RYR2: variants seen among roughly 807,000 people sequenced by gnomAD.
RYR2 encodes the protein cardiac muscle ryanodine receptor-calcium release channel.
RYR2 carries 227 observed loss-of-function variants against 601.1 expected under a neutral mutation model. That is an observed-to-expected ratio of 0.38 (90% confidence interval 0.34 to 0.42). The LOEUF (loss-of-function observed/expected upper bound fraction) is 0.42, where lower values mean the gene tolerates loss of function less well. Among genes scored for constraint, RYR2 ranks in the 10% least tolerant of loss-of-function variants. The probability of loss-of-function intolerance (pLI) is 1.00; values close to 1 mark genes in which losing one functional copy is unlikely to be tolerated. For missense variants in RYR2, 4,646 were observed against 6,156.5 expected (o/e 0.75, Z 8.21); for synonymous variants, 2,223 against 2,175.1 (o/e 1.02, Z -0.61).
chr1:237,618,500 C>T (rs1425673651), intron 38 of RYR2, among the ~76,000 whole-genome samples: 2 of 152,098 alleles, frequency 1.3e-5, no homozygotes, highest in African/African-American at 2.4e-5. Context: ...TGGTGAGTTC[C>T]CTGGATTTTC....
At chr1:237,082,600 G>A (rs924316836) in intron 1 of RYR2, among the ~76,000 whole-genome samples, 10 of 137,060 alleles carry the variant, frequency 7.3e-5, no homozygotes, top group African/African-American at 2.4e-4. Context: ...TCTTATAGCC[G>A]CCCCTCCTGC....
intron 24 of RYR2, among the ~76,000 whole-genome samples, chr1:237,528,714 C>T (rs1335596868): frequency 6.6e-6 from 1 of 152,154 alleles, no homozygotes; most frequent in Admixed American, 6.5e-5. Flanking sequence ...TTCTATGGCT[C>T]AGGCTTACTT....
At chr1:237,445,680 A>T (rs1182939895) in intron 14 of RYR2, among the ~76,000 whole-genome samples, 158 bp downstream of exon 14, 1 of 152,182 alleles carries the variant, frequency 6.6e-6, no homozygotes, top group Non-Finnish European at 1.5e-5. Flanking sequence ...GAGATGATTT[A>T]ATGTCTTTCT....
intron 24 of RYR2, among the ~76,000 whole-genome samples, chr1:237,527,327 A>G (rs1667694063): frequency 6.6e-6 from 1 of 152,158 alleles, no homozygotes; most frequent in Non-Finnish European, 1.5e-5. Context: ...TTAAATGTTA[A>G]TCTCACCCAA....
chr1:237,726,373 T>C, intron 75 of RYR2, 65 bp downstream of exon 75: 1 of 1,001,544 alleles, frequency 1.0e-6, no homozygotes, highest in Non-Finnish European at 1.5e-6. Flanking sequence ...TGGGATTTTT[T>C]CTTTCTAATA....
chr1:237,690,681 G>A (rs1686863397), intron 63 of RYR2, among the ~76,000 whole-genome samples: 2 of 152,130 alleles, frequency 1.3e-5, no homozygotes, highest in Admixed American at 1.3e-4. Context: ...GGGAAACATG[G>A]CGAGACCCCA....
rs369490145 is a variant in RYR2, at chr1:237,133,696, C to T, written c.48+91127C>T. On this transcript the variant is annotated intron_variant, in intron 1 of 104. Coordinates refer to ENST00000366574, the MANE Select transcript of RYR2 (RefSeq NM_001035.3). ...AGGCATGGTGGCTCACACCCGCTGA[C>T]GCGGGTGGATCATGAGGTCAGAAGT... is the stretch of plus-strand genomic sequence containing the variant. Among the ~76,000 whole-genome samples, 66 of 152,120 alleles carry T rather than the reference C, an allele frequency of 4.3e-4. No homozygotes were observed. In the South Asian group the frequency reaches 0.011, roughly 26 times the overall value.
chr1:237,559,543 G>A lies in RYR2; in HGVS notation c.3215-7024G>A, dbSNP rs151274078. Among the ~76,000 whole-genome samples, 373 of 152,266 alleles carry A rather than the reference G, an allele frequency of 2.4e-3. 2 individuals are homozygous for A. Among genetic ancestry groups the A allele is most frequent in the African/African-American group, 8.4e-3 (350 of 41,542 alleles). On this transcript the variant is annotated intron_variant, in intron 27 of 104. Transcript: ENST00000366574. ...TTACAGGCATGAGACGCTGTGCCCA[G>A]CCTCATACTTTTATTTAGTTCATTA...
chr1:237,328,375 C>T lies in RYR2; in HGVS notation c.169-2503C>T, dbSNP rs377644211. On this transcript the variant is annotated intron_variant, in intron 2 of 104. Transcript: ENST00000366574. ...TTTAAGAGTATGTATTCCTAAATTC[C>T]AGAGTAGAAGAGAGTCCTTTTCCTA... Among the ~76,000 whole-genome samples the T allele has an allele frequency of 9.2e-5, 14 of 152,000 alleles. 1 individual carries two copies. Among genetic ancestry groups the T allele is most frequent in the African/African-American group, 3.4e-4 (14 of 41,438 alleles).
At chr1:237,348,158 T>TTTA (rs752436900) in intron 3 of RYR2, among the ~76,000 whole-genome samples, 2 of 152,070 alleles carry the variant, frequency 1.3e-5, no homozygotes, top group Admixed American at 1.3e-4. Context: ...TGGTGACGTT[T>TTTA]TTATTATTAT....
chr1:237,209,515 A>G (rs80308695), intron 1 of RYR2, among the ~76,000 whole-genome samples: 540 of 24,038 alleles, frequency 0.022, 3 homozygotes, highest in Middle Eastern at 0.036. Flanking sequence ...GTGTGTGTGT[A>G]TTTTTTTTTT....
chr1:237,337,456 C>A (rs571415364), intron 3 of RYR2, among the ~76,000 whole-genome samples: 1 of 152,234 alleles, frequency 6.6e-6, no homozygotes, highest in African/African-American at 2.4e-5. Flanking sequence ...TGAAGAAGAT[C>A]TGTGTATTAT....
intron 25 of RYR2, among the ~76,000 whole-genome samples, chr1:237,543,158 G>A (rs1327702342): frequency 6.6e-6 from 1 of 152,132 alleles, no homozygotes; most frequent in African/African-American, 2.4e-5. Context: ...GCCAAGTATA[G>A]CTTTTTTTTC....
In RYR2 at chr1:237,705,059, A is replaced by G. The variant is rs544961953; in HGVS notation, c.9450-154A>G. Among the ~76,000 whole-genome samples, 7 of 152,342 alleles carry G rather than the reference A, an allele frequency of 4.6e-5. No homozygotes were observed. The South Asian group carries it at 1.2e-3, about 27-fold the overall frequency. On this transcript the variant is annotated intron_variant, in intron 66 of 104. Transcript: ENST00000366574. ...TGGTGAGGATATTGCTATTGAAAGC[A>G]TATGATGTTTAGCAATACAGAAATT... is the stretch of plus-strand genomic sequence containing the variant.
intron 1 of RYR2, among the ~76,000 whole-genome samples, chr1:237,249,912 A>G (rs1175070092): frequency 2.6e-5 from 4 of 152,178 alleles, no homozygotes; most frequent in Non-Finnish European, 5.9e-5. Context: ...ACAGTCTAAG[A>G]AAGAGAGAGT....
At chr1:237,219,249 C>T (rs967628762) in intron 1 of RYR2, among the ~76,000 whole-genome samples, 2 of 152,084 alleles carry the variant, frequency 1.3e-5, no homozygotes, top group African/African-American at 4.8e-5. Context: ...AACTCCTGAC[C>T]TCAAGTGATC....
intron 1 of RYR2, among the ~76,000 whole-genome samples, chr1:237,156,886 T>A (rs1675402014): frequency 6.6e-6 from 1 of 152,048 alleles, no homozygotes; most frequent in South Asian, 2.1e-4. Context: ...GACAAAATAA[T>A]AGATGCTGGC....
chr1:237,307,835 TA>T (rs1350617806), intron 2 of RYR2, among the ~76,000 whole-genome samples: 3 of 152,250 alleles, frequency 2.0e-5, no homozygotes, highest in Admixed American at 6.5e-5. Context: ...CTGTACTTAA[TA>T]TTTTTTTAAA....
chr1:237,322,821 C>CGT (rs113420477), intron 2 of RYR2, among the ~76,000 whole-genome samples: 15,796 of 143,000 alleles, frequency 0.11, 906 homozygotes, highest in African/African-American at 0.15. Flanking sequence ...AACACACACA[C>CGT]GTGTGTGTGT....
Sources: allele counts gnomAD v4.1 joint callset (sites outside exome capture counted in the v4.1 genomes callset), GRCh38; gene constraint gnomAD v4.1.1; transcripts MANE v1.5; gene names NCBI Gene and HGNC (gene_info 2026-07-23, HGNC 2026-07-21).